Variants in AOPEP observed in about 807,000 individuals in gnomAD.
The protein encoded by AOPEP is aminopeptidase O (putative).
AOPEP carries 77 observed loss-of-function variants against 98.1 expected under a neutral mutation model. That is an observed-to-expected ratio of 0.78 (90% confidence interval 0.65 to 0.95). AOPEP has a LOEUF of 0.95. Among genes scored for constraint, AOPEP ranks in the 40% least tolerant of loss-of-function variants. The probability of loss-of-function intolerance (pLI) is 0.00; values close to 1 mark genes in which losing one functional copy is unlikely to be tolerated. For missense variants in AOPEP, 1,024 were observed against 1,024.7 expected, an observed-to-expected ratio of 1.00 and a Z score of 0.01; for synonymous variants, 346 against 365.3, an observed-to-expected ratio of 0.95 and a Z score of 0.60.
At chr9:95,134,201 G>C in the AOPEP span, among the ~76,000 whole-genome samples, 36 of 152,302 alleles carry the variant, frequency 2.4e-4, no homozygotes, top group African/African-American at 8.7e-4. Context: ...GGGAGAAACG[G>C]GATCGCGGAG....
Position 95,005,180 on chromosome 9 carries a change from C to A in AOPEP, c.2000C>A (p.Ala667Asp). 1 of 1,151,592 alleles carries A rather than the reference C, an allele frequency of 8.7e-7. No individual in the cohort carries two copies. Among genetic ancestry groups the A allele is most frequent in the Non-Finnish European group, 1.1e-6 (1 of 932,772 alleles). The allele number at this position is 1,151,592 out of a possible 1,614,324, so 71.3% of individuals were successfully genotyped here. Residue 667 changes from alanine (A) to aspartate (D), a missense_variant, in exon 12 of 17, where the codon GCC (alanine) becomes GAC (aspartate). By Grantham distance (126) the Ala-to-Asp change is moderately radical. This residue lies in a region of AOPEP where 566 missense variants were observed against 551.7 expected (regional missense o/e 1.03). Transcript: ENST00000375315. ...CAGCCGCTGCAGAGGGAGCGTCGCGCCGGGGCGGAGTGCGGGCTTGCGCGG... is the reference window on the plus strand; with the variant it reads ...CAGCCGCTGCAGAGGGAGCGTCGCGACGGGGCGGAGTGCGGGCTTGCGCGG... ...IPKPLQRERRAGAECGLARQV... is the reference protein window; with the variant it reads ...IPKPLQRERRDGAECGLARQV...
chr9:94,797,429 C>CAA (rs536953016), intron 4 of AOPEP, among the ~76,000 whole-genome samples: 7,165 of 97,382 alleles, frequency 0.074, 268 homozygotes, highest in Middle Eastern at 0.15. Flanking sequence ...GACTCCGTCT[C>CAA]AAAAAAAAAA....
At chr9:94,743,202 GGAAGAAGAGGAAGAAGAGGAA>G (rs1457757974) in intron 1 of AOPEP, among the ~76,000 whole-genome samples, 2 of 112,802 alleles carry the variant, frequency 1.8e-5, no homozygotes, top group Admixed American at 1.8e-4. Context: ...AAGAAGAAGA[GGAAGAAGAGGAAGAAGAGGAA>G]GAAGAAGAGG....
chr9:94,867,031 C>G (rs576758639), intron 5 of AOPEP, among the ~76,000 whole-genome samples: 3 of 152,320 alleles, frequency 2.0e-5, no homozygotes, highest in East Asian at 3.9e-4. Flanking sequence ...GGAAGCTAAT[C>G]TCATTGCAGT....
intron 7 of AOPEP, among the ~76,000 whole-genome samples, chr9:94,934,315 C>CTTTTTTTTTTTTTTTTTTTTTT (rs974551445): frequency 5.1e-5 from 6 of 116,726 alleles, no homozygotes; most frequent in African/African-American, 2.4e-4. Flanking sequence ...CTTCTCCCAT[C>CTTTTTTTTTTTTTTTTTTTTTT]TTTTTTTTTT....
At chr9:94,952,695 C>G (rs535185084) in intron 7 of AOPEP, among the ~76,000 whole-genome samples, 1 of 152,330 alleles carries the variant, frequency 6.6e-6, no homozygotes, top group Admixed American at 6.5e-5. Flanking sequence ...TTTCCTGTTT[C>G]CATTCATAGA....
chr9:95,090,300 C>T (rs527859957), downstream of AOPEP, among the ~76,000 whole-genome samples: 8 of 152,362 alleles, frequency 5.3e-5, no homozygotes, highest in South Asian at 2.1e-4. Context: ...GGAGAACAAA[C>T]GGATGCCGGG....
chr9:95,079,824 G>A (rs1016059631), intron 14 of AOPEP, among the ~76,000 whole-genome samples: 6 of 152,224 alleles, frequency 3.9e-5, no homozygotes, highest in Admixed American at 3.3e-4. Flanking sequence ...TGTTTTCAAT[G>A]TTGTGCAAAC....
At chr9:95,094,467 A>G in the AOPEP span, among the ~76,000 whole-genome samples, 1 of 152,054 alleles carries the variant, frequency 6.6e-6, no homozygotes, top group East Asian at 1.9e-4. Flanking sequence ...AACGGGACCC[A>G]TTCAACACTC....
At chr9:95,004,857 G>C (rs1048648350) in intron 11 of AOPEP, 3 of 147,656 alleles carry the variant, frequency 2.0e-5, no homozygotes, top group African/African-American at 4.9e-5. Flanking sequence ...CAATGCCGGC[G>C]CGGGCGGGAG....
intron 5 of AOPEP, among the ~76,000 whole-genome samples, chr9:94,837,003 A>G (rs1251691165): frequency 6.6e-6 from 1 of 152,168 alleles, no homozygotes; most frequent in African/African-American, 2.4e-5. Flanking sequence ...AAATTGATAG[A>G]CCATTAGCAA....
At chr9:95,133,040 G>A in the AOPEP span, among the ~76,000 whole-genome samples, 5 of 152,320 alleles carry the variant, frequency 3.3e-5, no homozygotes, top group South Asian at 2.1e-4. Flanking sequence ...CAGCAGTCTC[G>A]TGCTATCTGA....
intron 5 of AOPEP, among the ~76,000 whole-genome samples, chr9:94,893,979 G>A (rs2049166766): frequency 6.6e-6 from 1 of 152,052 alleles, no homozygotes; most frequent in Non-Finnish European, 1.5e-5. Context: ...AATAAAATGA[G>A]GAAATAATAA....
rs145028278 is a variant in AOPEP at position 94,881,072 on chromosome 9, G to A, written c.1365-42914G>A. Reference sequence around the variant, plus strand: ...TAGCATTTTAGATGGAGGTCAGAAGGAGGCAGGAGAAAATTTCATAAGATC... The same window carrying A: ...TAGCATTTTAGATGGAGGTCAGAAGAAGGCAGGAGAAAATTTCATAAGATC... On this transcript the variant is annotated intron_variant, in intron 5 of 16. Coordinates refer to ENST00000375315, the MANE Select transcript of AOPEP (RefSeq NM_001193329.3). Among the ~76,000 whole-genome samples the A allele has an allele frequency of 2.9e-3, 439 of 152,292 alleles. 1 individual carries two copies. The Middle Eastern group carries it at 0.031, about 11-fold the overall frequency.
At chr9:94,880,348 TTTTTCTTTTTCTTTTTTTC>T (rs2047428560) in intron 5 of AOPEP, among the ~76,000 whole-genome samples, 1 of 151,762 alleles carries the variant, frequency 6.6e-6, no homozygotes, top group Non-Finnish European at 1.5e-5. Context: ...TTTTTTTTTC[TTTTTCTTTTTCTTTTTTTC>T]TTTTCTTTTT....
chr9:94,833,634 G>T (rs573564995), intron 5 of AOPEP, among the ~76,000 whole-genome samples: 1 of 152,108 alleles, frequency 6.6e-6, no homozygotes, highest in Non-Finnish European at 1.5e-5. Context: ...TTTCTACTGG[G>T]ACAATTTGAG....
At chr9:94,969,688 T>A (rs996858983) in intron 10 of AOPEP, among the ~76,000 whole-genome samples, 11 of 152,264 alleles carry the variant, frequency 7.2e-5, no homozygotes, top group Admixed American at 4.6e-4. Flanking sequence ...ATTACAGGCG[T>A]GGGCCACTGC....
At chr9:94,744,970 A>G (rs1315644612) in intron 1 of AOPEP, among the ~76,000 whole-genome samples, 5 of 152,060 alleles carry the variant, frequency 3.3e-5, no homozygotes, top group Admixed American at 1.3e-4. Flanking sequence ...ATATGTACCT[A>G]TAAGGGTACA....
intron 5 of AOPEP, among the ~76,000 whole-genome samples, chr9:94,831,428 C>T (rs1855937278): frequency 6.6e-6 from 1 of 152,124 alleles, no homozygotes; most frequent in South Asian, 2.1e-4. Context: ...TGTTTTTGTA[C>T]AAGTACCATG....
Sources: gnomAD v4.1 joint callset for allele counts (sites outside exome capture counted in the v4.1 genomes callset) on GRCh38, gnomAD v4.1.1 for gene constraint, gnomAD v4.1.1 regional missense constraint, MANE v1.5 for transcripts, NCBI Gene and HGNC (gene_info 2026-07-23, HGNC 2026-07-21) for gene names.